Variants in HYCC1 observed in about 807,000 individuals in gnomAD.
The protein encoded by HYCC1 is hyccin.
the HYCC1 span, chr7:22,943,926 A>AG: frequency 6.6e-6 from 1 of 152,418 alleles, no homozygotes; most frequent in Non-Finnish European, 1.5e-5. Context: ...CATTGTAAAC[A>AG]GGGCTAATGA....
At chr7:23,002,162 A>ACACAAT in the HYCC1 span, among the ~76,000 whole-genome samples, 123 of 35,462 alleles carry the variant, frequency 3.5e-3, 3 homozygotes, top group African/African-American at 0.015. Flanking sequence ...ATATATATAT[A>ACACAAT]TATATATATA....
At chr7:22,941,306 G>GCCC in the HYCC1 span, 1 of 126,674 alleles carries the variant, frequency 7.9e-6, no homozygotes, top group Non-Finnish European at 1.7e-5. Context: ...AACACTTGTT[G>GCCC]TATAAAGTAC....
At chr7:22,962,578 G>GAA in the HYCC1 span, among the ~76,000 whole-genome samples, 53 of 137,262 alleles carry the variant, frequency 3.9e-4, no homozygotes, top group Non-Finnish European at 5.7e-4. Context: ...CTGAGGGTAA[G>GAA]AAAAAAAAAA....
the HYCC1 span, among the ~76,000 whole-genome samples, chr7:22,949,852 A>G: frequency 3.3e-5 from 5 of 152,192 alleles, no homozygotes; most frequent in African/African-American, 1.2e-4. Flanking sequence ...TCCCACAAGC[A>G]TAAGTCTTTA....
chr7:22,921,520 T>A, the HYCC1 span, among the ~76,000 whole-genome samples: 1 of 152,208 alleles, frequency 6.6e-6, no homozygotes, highest in Admixed American at 6.5e-5. Flanking sequence ...ATATTTGGTA[T>A]GTATAACAAC....
chr7:22,943,507 G>C, the HYCC1 span: 3 of 152,174 alleles, frequency 2.0e-5, no homozygotes, highest in Non-Finnish European at 2.9e-5. Flanking sequence ...CAAAGGTCTA[G>C]AGAGGTCTAA....
the HYCC1 span, among the ~76,000 whole-genome samples, chr7:22,975,605 A>G: frequency 3.3e-5 from 5 of 152,244 alleles, no homozygotes; most frequent in African/African-American, 7.2e-5. Flanking sequence ...TTGAAAGGTC[A>G]TAACAGCTCT....
At chr7:22,907,594 T>A in the HYCC1 span, among the ~76,000 whole-genome samples, 1 of 152,206 alleles carries the variant, frequency 6.6e-6, no homozygotes, top group Admixed American at 6.5e-5. Flanking sequence ...CATAGGTAGA[T>A]GCAGACTGAC....
the HYCC1 span, among the ~76,000 whole-genome samples, chr7:22,990,898 A>G: frequency 6.6e-6 from 1 of 152,256 alleles, no homozygotes; most frequent in Non-Finnish European, 1.5e-5. Flanking sequence ...AATTTCCTAG[A>G]AAAGATTACT....
At chr7:22,951,554 A>G in the HYCC1 span, among the ~76,000 whole-genome samples, 1 of 138,688 alleles carries the variant, frequency 7.2e-6, no homozygotes, top group Non-Finnish European at 1.6e-5. Flanking sequence ...TATGAGATGT[A>G]GATATTTTAA....
chr7:23,013,617 G>A, the HYCC1 span, among the ~76,000 whole-genome samples: 1 of 152,168 alleles, frequency 6.6e-6, no homozygotes, highest in East Asian at 1.9e-4. Flanking sequence ...CGCCGGGAAG[G>A]AAAGACCCGA....
At chr7:22,996,613 A>G in the HYCC1 span, among the ~76,000 whole-genome samples, 1 of 151,130 alleles carries the variant, frequency 6.6e-6, no homozygotes, top group Admixed American at 6.6e-5. Flanking sequence ...AAAAAAAAAA[A>G]AAAAAAAAAA....
At chr7:23,009,634 T>A in the HYCC1 span, among the ~76,000 whole-genome samples, 8 of 151,824 alleles carry the variant, frequency 5.3e-5, no homozygotes, top group African/African-American at 1.9e-4. Context: ...TATATCCAAA[T>A]CCTGAGCCAG....
At chr7:22,908,447 A>T in the HYCC1 span, among the ~76,000 whole-genome samples, 3 of 152,286 alleles carry the variant, frequency 2.0e-5, no homozygotes, top group South Asian at 6.2e-4. Context: ...TGGTTTTATT[A>T]TGCCTCTATT....
At chr7:22,946,179 A>G in the HYCC1 span, 2 of 1,601,344 alleles carry the variant, frequency 1.2e-6, no homozygotes, top group Non-Finnish European at 1.7e-6. Flanking sequence ...CAAAGAAATG[A>G]CAAAGATTAA....
the HYCC1 span, among the ~76,000 whole-genome samples, chr7:22,904,542 C>T: frequency 6.6e-6 from 1 of 151,606 alleles, no homozygotes; most frequent in South Asian, 2.1e-4. Context: ...ATGCTTTCAA[C>T]AGAATAAAGG....
the HYCC1 span, chr7:22,936,943 G>A: frequency 1.3e-5 from 2 of 152,090 alleles, no homozygotes; most frequent in South Asian, 4.1e-4. Context: ...TGTTTGGTTT[G>A]TCCTTCTTTC....
chr7:22,956,331 G>T, the HYCC1 span, among the ~76,000 whole-genome samples: 2 of 151,898 alleles, frequency 1.3e-5, no homozygotes, highest in East Asian at 3.9e-4. Context: ...AAAGTCGAAA[G>T]CAGCAATTCT....
the HYCC1 span, chr7:22,976,823 T>G: frequency 3.3e-6 from 5 of 1,498,698 alleles, no homozygotes; most frequent in Non-Finnish European, 4.7e-6. Context: ...AGAAAAGACA[T>G]TTGAATAAAG....
Sources: gnomAD v4.1 joint callset for allele counts (sites outside exome capture counted in the v4.1 genomes callset) on GRCh38, gnomAD v4.1.1 for gene constraint, MANE v1.5 for transcripts, NCBI Gene and HGNC (gene_info 2026-07-23, HGNC 2026-07-21) for gene names.